The following EML6 variants were observed in gnomAD, a reference collection of about 807,000 sequenced individuals.
The protein encoded by EML6 is EMAP like 6.
Under a neutral mutation model 240.1 loss-of-function variants are expected in EML6, and 154 were observed. The ratio of observed to expected loss-of-function variants is 0.64; its 90% CI spans 0.56 to 0.73. The LOEUF (loss-of-function observed/expected upper bound fraction) is 0.73. Among genes scored for constraint, EML6 ranks in the 30% least tolerant of loss-of-function variants. EML6 has a pLI of 0.00. For missense variants in EML6, 2,964 were observed against 2,474.6 expected (o/e 1.20, Z -4.20); for synonymous variants, 1,148 against 899.0 (o/e 1.28, Z -4.95).
At chr2:54,832,721 G>A (rs959237041) in intron 7 of EML6, among the ~76,000 whole-genome samples, 1 of 142,644 alleles carries the variant, frequency 7.0e-6, no homozygotes, top group Non-Finnish European at 1.5e-5. Context: ...ACAGAAGATG[G>A]TCAGGTGTCC....
chr2:54,959,556 G>GT (rs1676399082), intron 34 of EML6, among the ~76,000 whole-genome samples: 1 of 152,126 alleles, frequency 6.6e-6, no homozygotes, highest in Non-Finnish European at 1.5e-5. Context: ...GAGGTCAGGA[G>GT]TTCAAAACCA....
chr2:54,813,504 C>T, intron 3 of EML6, 113 bp downstream of exon 3: 1 of 898,780 alleles, frequency 1.1e-6, no homozygotes, highest in East Asian at 2.7e-5. Flanking sequence ...GTTCTTCTGG[C>T]ACAGCCTCCT....
intron 28 of EML6, among the ~76,000 whole-genome samples, chr2:54,938,626 C>G (rs1015461556): frequency 6.6e-6 from 1 of 152,210 alleles, no homozygotes; most frequent in African/African-American, 2.4e-5. Flanking sequence ...TTCTAACATA[C>G]TTTGACACGT....
At chr2:54,950,988 A>C (rs1675945641) in intron 30 of EML6, among the ~76,000 whole-genome samples, 2 of 151,996 alleles carry the variant, frequency 1.3e-5, no homozygotes, top group Non-Finnish European at 2.9e-5. Flanking sequence ...GCTTGACCTC[A>C]CCTCATCATA....
At chr2:54,969,672 C>T (rs1052437785) in intron 41 of EML6, among the ~76,000 whole-genome samples, 6 of 152,168 alleles carry the variant, frequency 3.9e-5, no homozygotes, top group Non-Finnish European at 8.8e-5. Flanking sequence ...CCGTGCAGGG[C>T]TTGCAGGCCT....
intron 22 of EML6, among the ~76,000 whole-genome samples, chr2:54,900,491 C>G (rs967013841): frequency 6.6e-6 from 1 of 152,218 alleles, no homozygotes; most frequent in African/African-American, 2.4e-5. Flanking sequence ...GGCGGCTGCT[C>G]TCACTGGCCC....
At chr2:54,840,113 T>G (rs1669362954) in intron 7 of EML6, among the ~76,000 whole-genome samples, 1 of 152,208 alleles carries the variant, frequency 6.6e-6, no homozygotes, top group African/African-American at 2.4e-5. Flanking sequence ...ATTAAATCCT[T>G]TCTGTAATAA....
chr2:54,763,094 G>T (rs1309624182), intron 2 of EML6, among the ~76,000 whole-genome samples: 2 of 152,000 alleles, frequency 1.3e-5, no homozygotes, highest in Non-Finnish European at 2.9e-5. Context: ...GAGAAGTCTG[G>T]CTCACAAAAC....
chr2:54,842,454 C>T (rs1293663573), intron 7 of EML6, among the ~76,000 whole-genome samples: 2 of 152,136 alleles, frequency 1.3e-5, no homozygotes, highest in Non-Finnish European at 2.9e-5. Flanking sequence ...ACCATAATTA[C>T]AGTCTATATC....
chr2:54,851,070 C>T (rs939081820), intron 10 of EML6, among the ~76,000 whole-genome samples: 2 of 152,134 alleles, frequency 1.3e-5, no homozygotes, highest in African/African-American at 4.8e-5. Context: ...ATACCTCATT[C>T]AGGATGTTGG....
intron 24 of EML6, among the ~76,000 whole-genome samples, chr2:54,905,435 C>G (rs933702011): frequency 2.7e-5 from 4 of 150,524 alleles, no homozygotes; most frequent in Non-Finnish European, 1.5e-5. Context: ...GGGATTAAAA[C>G]CCATTATTGT....
intron 2 of EML6, among the ~76,000 whole-genome samples, chr2:54,781,919 T>A (rs1361100277): frequency 2.0e-5 from 3 of 152,236 alleles, no homozygotes; most frequent in Non-Finnish European, 4.4e-5. Context: ...TCTGCCCACC[T>A]TGGCCTCCCA....
chr2:54,844,001 T>A (rs1669613291), intron 7 of EML6, 46 bp from the exon 8 acceptor site: 2 of 1,200,234 alleles, frequency 1.7e-6, no homozygotes, highest in Non-Finnish European at 2.4e-6. Flanking sequence ...TGTGTGTGTG[T>A]GTGAATAGTG....
intron 2 of EML6, among the ~76,000 whole-genome samples, chr2:54,735,013 C>T (rs1381179347): frequency 6.6e-6 from 1 of 152,182 alleles, no homozygotes; most frequent in Non-Finnish European, 1.5e-5. Context: ...CCTTGCAGTT[C>T]CCTGAATCTG....
chr2:54,955,621 T>C (rs1676195835), intron 32 of EML6, among the ~76,000 whole-genome samples: 1 of 152,222 alleles, frequency 6.6e-6, no homozygotes, highest in African/African-American at 2.4e-5. Flanking sequence ...TCAGGCTCAC[T>C]GTCTTCACTC....
At chr2:54,854,441 C>A (rs563791626) in intron 11 of EML6, among the ~76,000 whole-genome samples, 35 of 152,326 alleles carry the variant, frequency 2.3e-4, no homozygotes, top group African/African-American at 7.9e-4. Flanking sequence ...GTGGCACACT[C>A]AAGCGTTGTA....
intron 8 of EML6, 68 bp downstream of exon 8, chr2:54,844,316 T>A: frequency 1.6e-6 from 2 of 1,237,648 alleles, no homozygotes; most frequent in African/African-American, 1.5e-5. Flanking sequence ...ATTTGCTTAT[T>A]AATAGAAGGA....
intron 2 of EML6, among the ~76,000 whole-genome samples, chr2:54,807,951 T>A (rs760948982): frequency 5.3e-5 from 8 of 152,202 alleles, no homozygotes; most frequent in Non-Finnish European, 1.2e-4. Context: ...CATACAGTTA[T>A]GGCAAGGTAT....
chr2:54,797,845 T>C (rs972227669), intron 2 of EML6, among the ~76,000 whole-genome samples: 7 of 152,230 alleles, frequency 4.6e-5, no homozygotes, highest in Non-Finnish European at 7.3e-5. Flanking sequence ...GTGTCATTGA[T>C]AGATTTTTTT....
Sources: allele counts gnomAD v4.1 joint callset (sites outside exome capture counted in the v4.1 genomes callset), GRCh38; gene constraint gnomAD v4.1.1; transcripts MANE v1.5; gene names NCBI Gene and HGNC (gene_info 2026-07-23, HGNC 2026-07-21).